GLS: variants seen among roughly 807,000 people sequenced by gnomAD.
GLS encodes glutaminase kidney isoform, mitochondrial.
In GLS, 36 loss-of-function variants were observed where a neutral mutation model predicts 86.7. The observed-to-expected ratio is 0.42, with a 90% CI of 0.32 to 0.55. GLS has a LOEUF of 0.55. Among genes scored for constraint, GLS ranks in the 20% least tolerant of loss-of-function variants. The pLI is 0.17. For synonymous variants in GLS, 317 were observed against 305.9 expected, an observed-to-expected ratio of 1.04 and a Z score of -0.38; for missense variants, 528 against 833.4, an observed-to-expected ratio of 0.63 and a Z score of 4.51.
Position 190,964,729 on chromosome 2 carries a change from A to G in GLS, c.*1743A>G, listed in dbSNP as rs1691084309. 6.6e-6 allele frequency: 1 copy of G among 152,164 alleles called. No homozygotes were observed. The highest frequency in any genetic ancestry group is 3.2e-3 in the Middle Eastern group (1 of 316). 9.4% of individuals were successfully genotyped at this position (152,164 alleles called of 1,614,324 possible). A position where few individuals can be genotyped will look rare whatever the true frequency, so the allele number is the denominator to read the frequency against. ...CATGGAGACAGGTAGCATTTGTAAG[A>G]TGCTGCACAGGAGCAGCATTATCCC... is the stretch of plus-strand genomic sequence containing the variant. On this transcript the variant is annotated 3_prime_UTR_variant, in exon 18 of 18. Coordinates refer to ENST00000320717, the MANE Select transcript of GLS (RefSeq NM_014905.5). This position sits in a 1 kb window ranked among gnomAD's most constrained non-coding sequence, Gnocchi z 5.2.
intron 1 of GLS, among the ~76,000 whole-genome samples, chr2:190,893,870 C>T (rs754642086): frequency 7.2e-5 from 11 of 152,222 alleles, no homozygotes; most frequent in Non-Finnish European, 1.2e-4. Flanking sequence ...TAGGCGTGAG[C>T]TGCCACGCCC....
At chr2:190,931,681 A>T in intron 14 of GLS, 44 bp downstream of exon 14, 1 of 891,104 alleles carries the variant, frequency 1.1e-6, no homozygotes, top group Non-Finnish European at 1.8e-6. Flanking sequence ...AATTTTTAAG[A>T]AGAGAAAAAG....
rs1390605684 is a variant in GLS, at chr2:190,951,429, CTGTT to C, written c.1651-2134_1651-2131del. 6.6e-6 allele frequency among the ~76,000 whole-genome samples: 1 copy of C among 151,990 alleles called. No individual in the cohort carries two copies. Among genetic ancestry groups the C allele is most frequent in the African/African-American group, 2.4e-5 (1 of 41,380 alleles). On this transcript the variant is annotated intron_variant, in intron 14 of 17. Coordinates refer to ENST00000320717, the MANE Select transcript of GLS (RefSeq NM_014905.5). The surrounding 1 kb of genome is among the most constrained non-coding windows in gnomAD (Gnocchi z 4.2). ...TTTTAAAAATAGGATGAAATTGTGT[CTGTT>C]TTAAGGTAAACTGAGAGAACCAATG... is the stretch of plus-strand genomic sequence containing the variant.
intron 7 of GLS, among the ~76,000 whole-genome samples, chr2:190,912,572 G>A (rs1348782358): frequency 1.3e-5 from 2 of 152,070 alleles, no homozygotes; most frequent in East Asian, 3.9e-4. Context: ...TAAAACCATA[G>A]CCAAAAGGCC....
In GLS at chr2:190,913,452, T is replaced by C; in HGVS notation, c.1038+3131T>C. 2 of 915,044 alleles carry C rather than the reference T, an allele frequency of 2.2e-6. No individual in the cohort carries two copies. The highest frequency in any genetic ancestry group is 2.7e-6 in the Non-Finnish European group (2 of 745,654). The allele number at this position is 915,044 out of a possible 1,614,324, so 56.7% of individuals were successfully genotyped here. A position where few individuals can be genotyped will look rare whatever the true frequency, so the allele number is the denominator to read the frequency against. ...CATAAGGGTATTATACTTCCTCTCT[T>C]TTTCTCTGTGGTAGCTACTAACTTT... On this transcript the variant is annotated intron_variant, in intron 7 of 17. Coordinates refer to ENST00000320717, the MANE Select transcript of GLS (RefSeq NM_014905.5). The surrounding 1 kb of genome is among the most constrained non-coding windows in gnomAD (Gnocchi z 6.1).
intron 9 of GLS, among the ~76,000 whole-genome samples, chr2:190,922,360 G>A (rs1452255723): frequency 6.6e-6 from 1 of 152,024 alleles, no homozygotes; most frequent in Non-Finnish European, 1.5e-5. Context: ...TTCCTGCTTC[G>A]CATTTCAGGG....
chr2:190,900,486 C>A, intron 3 of GLS, 78 bp from the exon 4 acceptor site: 1 of 681,296 alleles, frequency 1.5e-6, no homozygotes, highest in Non-Finnish European at 2.4e-6. Flanking sequence ...TAAATAGTGT[C>A]CTAATTATTA....
intron 14 of GLS, chr2:190,933,077 A>C: frequency 1.0e-6 from 1 of 999,716 alleles, no homozygotes; most frequent in Non-Finnish European, 1.2e-6. Context: ...CAAGTACATA[A>C]ATTTGCTTTA....
chr2:190,916,555 G>A (rs147116670), intron 7 of GLS, among the ~76,000 whole-genome samples: 6 of 152,124 alleles, frequency 3.9e-5, no homozygotes, highest in African/African-American at 9.6e-5. Flanking sequence ...ACATGGAGTC[G>A]TTCCAAGAGA....
chr2:190,929,297 T>TA (rs955986735), intron 12 of GLS, among the ~76,000 whole-genome samples: 32 of 152,020 alleles, frequency 2.1e-4, no homozygotes, highest in African/African-American at 7.0e-4. Context: ...AAAATATTTT[T>TA]AAAAAATAAT....
chr2:190,915,665 G>T (rs964857889), intron 7 of GLS, among the ~76,000 whole-genome samples: 1 of 152,010 alleles, frequency 6.6e-6, no homozygotes, highest in African/African-American at 2.4e-5. Context: ...TTTAGTCCAG[G>T]TGTCCTCCTA....
chr2:190,957,731 C>G (rs763332236), intron 17 of GLS, among the ~76,000 whole-genome samples: 2 of 152,162 alleles, frequency 1.3e-5, no homozygotes, highest in Non-Finnish European at 2.9e-5. Flanking sequence ...ATATGTTGAA[C>G]CAGCCTTGCA....
intron 1 of GLS, among the ~76,000 whole-genome samples, chr2:190,890,342 C>T (rs920564079): frequency 2.6e-5 from 4 of 152,104 alleles, no homozygotes; most frequent in Non-Finnish European, 4.4e-5. Flanking sequence ...TGCCACCACA[C>T]TCTTCTAGGA....
In GLS at chr2:190,963,694, C is replaced by G. The variant is rs909014658; in HGVS notation, c.*708C>G. ...TCTTCTCAGACATTTAGCTATCTGC[C>G]TCTTTCCTTTAGCTGGGAAAGTGAG... is the stretch of plus-strand genomic sequence containing the variant. On this transcript the variant is annotated 3_prime_UTR_variant, in exon 18 of 18. Coordinates refer to ENST00000320717, the MANE Select transcript of GLS (RefSeq NM_014905.5). The G allele has an allele frequency of 1.3e-5, 2 of 152,614 alleles. No individual in the cohort carries two copies. Among genetic ancestry groups the G allele is most frequent in the South Asian group, 4.1e-4 (2 of 4,830 alleles). 9.5% of individuals were successfully genotyped at this position (152,614 alleles called of 1,614,324 possible). A position where few individuals can be genotyped will look rare whatever the true frequency, so the allele number is the denominator to read the frequency against.
rs1315680921 is a variant in GLS at position 190,881,234 on chromosome 2, C to T, written c.150C>T (p.Ala50=). 14 of 1,248,050 alleles carry T rather than the reference C, an allele frequency of 1.1e-5. No homozygotes were observed. Among genetic ancestry groups the T allele is most frequent in the Non-Finnish European group, 3.0e-6 (3 of 999,442 alleles). 77.3% of individuals were successfully genotyped at this position (1,248,050 alleles called of 1,614,324 possible). A position where few individuals can be genotyped will look rare whatever the true frequency, so the allele number is the denominator to read the frequency against. ...GGGRPAAGPA[A]AARLHPWWGG... is the part of the protein sequence containing the mutation. ...GACGGCCGGCCGCGGGCCCGGCTGC[C>T]GCCGCGCGACTCCACCCGTGGTGGG... Residue 50 remains alanine (A), a synonymous_variant, in exon 1 of 18, where the codon GCC becomes GCT. Transcript: ENST00000320717.
At position 190,923,895 on chromosome 2, in the gene GLS, ATGT is replaced by A; in HGVS notation, c.1131-20_1131-18del. ...CTTTTAAAGAAAGTACATAGAGCAAATGTTTTTTTTTCTTCTTCCAGGTTTCAG... is the reference window on the plus strand; with the variant it reads ...CTTTTAAAGAAAGTACATAGAGCAAATTTTTTTTCTTCTTCCAGGTTTCAG... On this transcript the variant is annotated intron_variant, in intron 9 of 17. Transcript: ENST00000320717. The A allele has an allele frequency of 6.8e-7, 1 of 1,468,946 alleles. No individual in the cohort carries two copies. Among genetic ancestry groups the A allele is most frequent in the Non-Finnish European group, 9.5e-7 (1 of 1,056,622 alleles). 91.0% of individuals were successfully genotyped at this position (1,468,946 alleles called of 1,614,324 possible). A position where few individuals can be genotyped will look rare whatever the true frequency, so the allele number is the denominator to read the frequency against.
chr2:190,954,839 C>G lies in GLS; in HGVS notation c.1853+21C>G, dbSNP rs778550212. 2.0e-6 allele frequency: 3 copies of G among 1,465,018 alleles called. No individual in the cohort carries two copies. The highest frequency in any genetic ancestry group is 3.7e-5 in the Admixed American group (2 of 54,452). 90.8% of individuals were successfully genotyped at this position (1,465,018 alleles called of 1,614,324 possible). On this transcript the variant is annotated intron_variant, in intron 17 of 17. Transcript: ENST00000320717. This position sits in a 1 kb window ranked among gnomAD's most constrained non-coding sequence, Gnocchi z 4.0. ...GACAGGTGAGCACTTATGTTACCTT[C>G]TAAATATGTCAGTATTTTATTATGC...
chr2:190,959,762 A>G (rs1356965786), intron 17 of GLS, among the ~76,000 whole-genome samples: 3 of 152,220 alleles, frequency 2.0e-5, no homozygotes, highest in African/African-American at 4.8e-5. Flanking sequence ...TTTTATCAGC[A>G]TACAAACTTG....
Position 190,954,676 on chromosome 2 carries a change from C to T in GLS, c.1789+16C>T. 2 of 1,606,712 alleles carry T rather than the reference C, an allele frequency of 1.2e-6. No homozygotes were observed. The highest frequency in any genetic ancestry group is 1.7e-6 in the Non-Finnish European group (2 of 1,173,270). ...GCTGCAGAGGGTAATACAGGAACTA[C>T]TCCTATCTATTTTCTTTCCAGATTT... On this transcript the variant is annotated intron_variant, in intron 16 of 17. Coordinates refer to ENST00000320717, the MANE Select transcript of GLS (RefSeq NM_014905.5). This position sits in a 1 kb window ranked among gnomAD's most constrained non-coding sequence, Gnocchi z 4.0.
Sources: gnomAD v4.1 joint callset for allele counts (sites outside exome capture counted in the v4.1 genomes callset) on GRCh38, gnomAD v4.1.1 for gene constraint, Gnocchi (gnomAD v3.1) non-coding constraint, MANE v1.5 for transcripts, NCBI Gene and HGNC (gene_info 2026-07-23, HGNC 2026-07-21) for gene names.